CD247: variants seen among roughly 807,000 people sequenced by gnomAD.
The protein encoded by CD247 is CD247 molecule.
In CD247, 13 loss-of-function variants were observed where a neutral mutation model predicts 30.0. The observed-to-expected ratio is 0.43, with a 90% confidence interval of 0.28 to 0.69. The LOEUF (loss-of-function observed/expected upper bound fraction) is 0.69, where lower values mean the gene tolerates loss of function less well. Ranked by LOEUF, CD247 falls within the 30% of genes least tolerant of loss-of-function variation. The pLI is 0.16. For synonymous variants in CD247, 72 were observed against 80.0 expected (o/e 0.90, Z 0.53); for missense variants, 193 against 212.6 (o/e 0.91, Z 0.57).
chr1:167,450,683 G>A (rs1227482964), intron 1 of CD247, among the ~76,000 whole-genome samples: 2 of 152,152 alleles, frequency 1.3e-5, no homozygotes, highest in African/African-American at 4.8e-5. Context: ...GGAAGGCCGA[G>A]GCAGGCAGAT....
At chr1:167,499,967 C>T (rs1474296152) in intron 1 of CD247, among the ~76,000 whole-genome samples, 3 of 152,186 alleles carry the variant, frequency 2.0e-5, no homozygotes, top group Non-Finnish European at 2.9e-5. Context: ...GCTCACCTGA[C>T]GACAATCACA....
intron 1 of CD247, among the ~76,000 whole-genome samples, chr1:167,504,068 G>A (rs544944560): frequency 2.0e-5 from 3 of 152,160 alleles, no homozygotes; most frequent in Non-Finnish European, 4.4e-5. Flanking sequence ...GGGCTCCCGG[G>A]GTGCTGTGTA....
At chr1:167,459,150 A>G (rs1171241251) in intron 1 of CD247, among the ~76,000 whole-genome samples, 1 of 151,660 alleles carries the variant, frequency 6.6e-6, no homozygotes, top group Non-Finnish European at 1.5e-5. Flanking sequence ...TTTTAAAAAA[A>G]AAAAAATCAT....
At chr1:167,439,440 G>T in intron 2 of CD247, 40 bp from the exon 3 acceptor site, 1 of 1,602,924 alleles carries the variant, frequency 6.2e-7, no homozygotes, top group Admixed American at 1.7e-5. Context: ...GCTCCGCGAG[G>T]GCGCGCAGGG....
chr1:167,437,173 C>T (rs1299184987), intron 4 of CD247, among the ~76,000 whole-genome samples: 2 of 152,020 alleles, frequency 1.3e-5, no homozygotes, highest in Admixed American at 6.6e-5. Flanking sequence ...TTGGCTGAGG[C>T]GGGCAGATCA....
At chr1:167,500,458 T>C (rs704855) in intron 1 of CD247, among the ~76,000 whole-genome samples, 4,034 of 152,352 alleles carry the variant, frequency 0.026, 80 homozygotes, top group Non-Finnish European at 0.036. Flanking sequence ...CATGCTTTGA[T>C]TACAACCAGC....
intron 1 of CD247, among the ~76,000 whole-genome samples, chr1:167,495,107 C>T (rs147292418): frequency 2.6e-5 from 4 of 152,176 alleles, no homozygotes; most frequent in Admixed American, 2.6e-4. Context: ...CAAAGTCCAG[C>T]GTAAGAAAAA....
At chr1:167,445,918 T>G (rs1652056459) in intron 1 of CD247, among the ~76,000 whole-genome samples, 1 of 152,202 alleles carries the variant, frequency 6.6e-6, no homozygotes, top group Admixed American at 6.5e-5. Flanking sequence ...TTTCTACTTT[T>G]AAAGTGACTT....
At chr1:167,482,146 A>T (rs1653996849) in intron 1 of CD247, among the ~76,000 whole-genome samples, 1 of 152,188 alleles carries the variant, frequency 6.6e-6, no homozygotes, top group Non-Finnish European at 1.5e-5. Flanking sequence ...CTCTGGCCTG[A>T]GGATGACCAT....
At chr1:167,497,455 C>T (rs970043574) in intron 1 of CD247, among the ~76,000 whole-genome samples, 1 of 152,106 alleles carries the variant, frequency 6.6e-6, no homozygotes, top group African/African-American at 2.4e-5. Flanking sequence ...ACAGTGAAAT[C>T]GCTGACTACA....
chr1:167,448,647 C>G (rs2949669), intron 1 of CD247, among the ~76,000 whole-genome samples: 2 of 152,014 alleles, frequency 1.3e-5, no homozygotes, highest in African/African-American at 4.8e-5. Context: ...TTTTACTACT[C>G]TCTTTAATTT....
rs941850349 is a variant in CD247, at chr1:167,489,652, T to C, written c.58+28756A>G. 2.6e-5 allele frequency among the ~76,000 whole-genome samples: 4 copies of C among 152,236 alleles called. No individual in the cohort carries two copies. In the South Asian group the frequency reaches 6.2e-4, roughly 24 times the overall value. On this transcript the variant is annotated intron_variant, in intron 1 of 7. Coordinates refer to ENST00000362089, the MANE Select transcript of CD247 (RefSeq NM_198053.3). ...CTTTTCTGAGATCTGTAAAATGTGA[T>C]GTGACTGGCTCTCAGAAAGGAGGCT... is the stretch of plus-strand genomic sequence containing the variant.
chr1:167,462,771 A>G (rs1653081867), intron 1 of CD247, among the ~76,000 whole-genome samples: 1 of 152,154 alleles, frequency 6.6e-6, no homozygotes, highest in Admixed American at 6.5e-5. Flanking sequence ...CCCTCCCTGC[A>G]GGCCTGAAGC....
chr1:167,463,415 G>A (rs529738319), intron 1 of CD247, among the ~76,000 whole-genome samples: 1 of 152,150 alleles, frequency 6.6e-6, no homozygotes, highest in Non-Finnish European at 1.5e-5. Context: ...CCTCATATCT[G>A]GAAGCAGAGA....
chr1:167,486,272 G>A (rs745575985), intron 1 of CD247, among the ~76,000 whole-genome samples: 7 of 152,166 alleles, frequency 4.6e-5, no homozygotes, highest in African/African-American at 7.2e-5. Context: ...GGACCTGCCC[G>A]AATCACCACA....
At chr1:167,477,775 C>T (rs754230655) in intron 1 of CD247, among the ~76,000 whole-genome samples, 41 of 152,228 alleles carry the variant, frequency 2.7e-4, no homozygotes, top group Non-Finnish European at 5.0e-4. Context: ...GCAATTCCCC[C>T]GCCTTGGCCT....
At chr1:167,511,115 T>C (rs1655369841) in intron 1 of CD247, among the ~76,000 whole-genome samples, 2 of 152,228 alleles carry the variant, frequency 1.3e-5, no homozygotes, top group South Asian at 2.1e-4. Flanking sequence ...GAATAGATTA[T>C]AGACATTTGT....
intron 1 of CD247, among the ~76,000 whole-genome samples, chr1:167,514,610 A>ATT (rs397933635): frequency 2.7e-5 from 4 of 149,516 alleles, no homozygotes; most frequent in Admixed American, 2.0e-4. Context: ...GACCGGTTTA[A>ATT]TTTTTTTTTT....
At chr1:167,446,001 C>T (rs141930152) in intron 1 of CD247, among the ~76,000 whole-genome samples, 49 of 152,264 alleles carry the variant, frequency 3.2e-4, no homozygotes, top group African/African-American at 1.1e-3. Context: ...GCCCAATTCA[C>T]AGGTGGATAA....
Sources: allele counts gnomAD v4.1 joint callset (sites outside exome capture counted in the v4.1 genomes callset), GRCh38; gene constraint gnomAD v4.1.1; transcripts MANE v1.5; gene names NCBI Gene and HGNC (gene_info 2026-07-23, HGNC 2026-07-21).